CDC37: variants seen among roughly 807,000 people sequenced by gnomAD.
CDC37 encodes the protein cell division cycle 37, HSP90 cochaperone, also known as hsp90 co-chaperone Cdc37.
In CDC37, 9 loss-of-function variants were observed where a neutral mutation model predicts 46.9. That is an observed-to-expected ratio of 0.19 (90% CI 0.12 to 0.33). CDC37 has a LOEUF of 0.33. Ranked by LOEUF, CDC37 falls within the 10% of genes least tolerant of loss-of-function variation. The probability of loss-of-function intolerance (pLI) is 1.00; values close to 1 mark genes in which losing one functional copy is unlikely to be tolerated. For synonymous variants in CDC37, 193 were observed against 191.0 expected, an observed-to-expected ratio of 1.01 and a Z score of -0.09; for missense variants, 388 against 514.6, an observed-to-expected ratio of 0.75 and a Z score of 2.38.
Position 10,393,609 on chromosome 19 carries a change from T to G in CDC37, c.727-168A>C. 1 of 655,606 alleles carries G rather than the reference T, an allele frequency of 1.5e-6. No homozygotes were observed. Among genetic ancestry groups the G allele is most frequent in the Admixed American group, 3.4e-5 (1 of 29,720 alleles). 40.6% of individuals were successfully genotyped at this position (655,606 alleles called of 1,614,324 possible). On this transcript the variant is annotated intron_variant, in intron 5 of 7. Transcript: ENST00000222005. This position sits in a 1 kb window ranked among gnomAD's most constrained non-coding sequence, Gnocchi z 4.9. The stretch of plus-strand genomic sequence containing the variant: ...GGCCTGGGCTCCCCCGCCGGGGACC[T>G]CATCTGGCATTTGCCAAAGACCACC...
chr19:10,393,167 C>A lies in CDC37; in HGVS notation c.910-10G>T. On this transcript the variant is annotated splice_polypyrimidine_tract_variant and intron_variant, in intron 6 of 7. Transcript: ENST00000222005. The surrounding 1 kb of genome is among the most constrained non-coding windows in gnomAD (Gnocchi z 4.9). ...AGCACTTCTGGAGTTCCTGGGGGTA[C>A]AGAGGGGCTGGGGTCAGGGGCTGGG... The A allele has an allele frequency of 6.2e-7, 1 of 1,613,720 alleles. No individual in the cohort carries two copies. The highest frequency in any genetic ancestry group is 8.5e-7 in the Non-Finnish European group (1 of 1,179,778).
intron 2 of CDC37, 56 bp downstream of exon 2, chr19:10,395,872 G>C: frequency 2.5e-6 from 4 of 1,581,082 alleles, no homozygotes; most frequent in Non-Finnish European, 3.4e-6. Context: ...CATGCGTCCT[G>C]GTTGCAGGCT....
chr19:10,397,444 G>A (rs997176818), intron 1 of CDC37, among the ~76,000 whole-genome samples: 54 of 134,818 alleles, frequency 4.0e-4, no homozygotes, highest in African/African-American at 8.1e-4. Flanking sequence ...TTTTTGAGAC[G>A]GAGTCGCCCA....
rs1214997469 is a variant in CDC37, at chr19:10,399,462, T to TG, written c.103-3260dup. Among the ~76,000 whole-genome samples, 345 of 67,422 alleles carry TG rather than the reference T, an allele frequency of 5.1e-3. 4 individuals are homozygous for TG. The highest frequency in any genetic ancestry group is 0.038 in the Middle Eastern group (3 of 78). The allele number at this position is 67,422 out of a possible 152,430, so 44.2% of individuals were successfully genotyped here. On this transcript the variant is annotated intron_variant, in intron 1 of 7. Coordinates refer to ENST00000222005, the MANE Select transcript of CDC37 (RefSeq NM_007065.4). ...CTGGGCGACAGAGCATGACCCTGTCTGAAAAAAAAAAAAAAAAAAAAAAAA... is the reference window on the plus strand; with the variant it reads ...CTGGGCGACAGAGCATGACCCTGTCTGGAAAAAAAAAAAAAAAAAAAAAAAA...
intron 2 of CDC37, 24 bp downstream of exon 2, chr19:10,395,904 G>T: frequency 6.5e-7 from 1 of 1,541,886 alleles, no homozygotes; most frequent in Non-Finnish European, 8.9e-7. Context: ...CATGCGCACT[G>T]CCCGCCCCGC....
intron 7 of CDC37, among the ~76,000 whole-genome samples, chr19:10,392,028 C>T (rs755289668): frequency 1.2e-4 from 19 of 152,202 alleles, no homozygotes; most frequent in Non-Finnish European, 2.2e-4. Context: ...TCTTGAACTC[C>T]TGCCCTTAGG....
Position 10,391,350 on chromosome 19 carries a change from C to T in CDC37, c.*201G>A. ...GATGGGGGGCTGCAGGCAGTGAAGC[C>T]CCTTGACTCAAAGCAGAGACTTGAA... On this transcript the variant is annotated 3_prime_UTR_variant, in exon 8 of 8. Transcript: ENST00000222005. The T allele has an allele frequency of 1.6e-6, 1 of 634,660 alleles. No homozygotes were observed. Among genetic ancestry groups the T allele is most frequent in the Admixed American group, 2.9e-5 (1 of 34,950 alleles). The allele number at this position is 634,660 out of a possible 1,614,324, so 39.3% of individuals were successfully genotyped here. A position where few individuals can be genotyped will look rare whatever the true frequency, so the allele number is the denominator to read the frequency against.
At chr19:10,395,635 A>T (rs1195008424) in intron 2 of CDC37, 92 bp from the exon 3 acceptor site, 1 of 1,040,628 alleles carries the variant, frequency 9.6e-7, no homozygotes, top group South Asian at 1.3e-5. Flanking sequence ...CGCCCATCCC[A>T]TCCACGGCGG....
chr19:10,399,140 G>A (rs1490777172), intron 1 of CDC37, among the ~76,000 whole-genome samples: 2 of 152,146 alleles, frequency 1.3e-5, no homozygotes, highest in African/African-American at 2.4e-5. Flanking sequence ...CAGCCAGCCT[G>A]AGCCTCGGAT....
intron 1 of CDC37, among the ~76,000 whole-genome samples, chr19:10,397,553 G>A (rs2042498757): frequency 6.6e-6 from 1 of 151,590 alleles, no homozygotes; most frequent in African/African-American, 2.4e-5. Context: ...TGGGATTACA[G>A]GCACGCGCCA....
chr19:10,398,446 C>G lies in CDC37; in HGVS notation c.103-2243G>C, dbSNP rs759611198. On this transcript the variant is annotated intron_variant, in intron 1 of 7. Transcript: ENST00000222005. This position sits in a 1 kb window ranked among gnomAD's most constrained non-coding sequence, Gnocchi z 4.2. ...TGTGGTGAGGGTGCTGGAGGACAGC[C>G]TTGGGGCAACGGCCCCTGGGTCCTA... Among the ~76,000 whole-genome samples the G allele has an allele frequency of 2.0e-5, 3 of 152,248 alleles. No individual in the cohort carries two copies. Among genetic ancestry groups the G allele is most frequent in the Non-Finnish European group, 4.4e-5 (3 of 68,052 alleles).
Position 10,391,543 on chromosome 19 carries a change from G to C in CDC37, c.*8C>G. 6.2e-7 allele frequency: 1 copy of C among 1,614,150 alleles called. No individual in the cohort carries two copies. Among genetic ancestry groups the C allele is most frequent in the South Asian group, 1.1e-5 (1 of 91,082 alleles). ...CTGGAAGCAGGTGGCGGTGGTAGCT[G>C]GGGCAGGTCACACACTGACATCCTT... On this transcript the variant is annotated 3_prime_UTR_variant, in exon 8 of 8. Transcript: ENST00000222005.
rs2042493313 is a variant in CDC37, at chr19:10,396,496, ACT to A, written c.103-295_103-294del. ...ATCTGCCTCGGCACCTCCCCTGGTA[ACT>A]CTTCCTTCCAGCTACACCAGCCCCT... On this transcript the variant is annotated intron_variant, in intron 1 of 7. Transcript: ENST00000222005. This position sits in a 1 kb window ranked among gnomAD's most constrained non-coding sequence, Gnocchi z 5.9. Among the ~76,000 whole-genome samples, 1 of 151,494 alleles carries A rather than the reference ACT, an allele frequency of 6.6e-6. No individual in the cohort carries two copies. The highest frequency in any genetic ancestry group is 1.9e-4 in the East Asian group (1 of 5,140).
At position 10,391,255 on chromosome 19, in the gene CDC37, C is replaced by T. The variant is rs2042454554; in HGVS notation, c.*296G>A. On this transcript the variant is annotated 3_prime_UTR_variant, in exon 8 of 8. Coordinates refer to ENST00000222005, the MANE Select transcript of CDC37 (RefSeq NM_007065.4). Reference sequence around the variant, plus strand: ...CCGGCCCCTTGGCTGGGGACCCTCCCCAACTACCTGGTAGACCAGCCTGGT... The same window carrying T: ...CCGGCCCCTTGGCTGGGGACCCTCCTCAACTACCTGGTAGACCAGCCTGGT... The T allele has an allele frequency of 2.5e-5, 11 of 436,476 alleles. No homozygotes were observed. The South Asian group carries it at 2.8e-4, about 11-fold the overall frequency. The allele number at this position is 436,476 out of a possible 1,614,324, so 27.0% of individuals were successfully genotyped here. A position where few individuals can be genotyped will look rare whatever the true frequency, so the allele number is the denominator to read the frequency against.
chr19:10,391,783 C>A (rs1003137121), intron 7 of CDC37, 77 bp from the exon 8 acceptor site: 3 of 1,464,752 alleles, frequency 2.0e-6, no homozygotes, highest in Non-Finnish European at 2.8e-6. Flanking sequence ...CCTTGCACAT[C>A]CCCAAGCTGG....
rs934517268 is a variant in CDC37, at chr19:10,396,550, A to AT, written c.103-348dup. ...ACTTTTCTCACCTTTTCTTGAGGCCATTTTTTTTGTTTAAGAAAACAAAAC... is the reference window on the plus strand; with the variant it reads ...ACTTTTCTCACCTTTTCTTGAGGCCATTTTTTTTTGTTTAAGAAAACAAAAC... On this transcript the variant is annotated intron_variant, in intron 1 of 7. Transcript: ENST00000222005. This position sits in a 1 kb window ranked among gnomAD's most constrained non-coding sequence, Gnocchi z 5.9. Among the ~76,000 whole-genome samples, 13 of 151,800 alleles carry AT rather than the reference A, an allele frequency of 8.6e-5. No homozygotes were observed. The highest frequency in any genetic ancestry group is 7.4e-5 in the Non-Finnish European group (5 of 67,954).
At chr19:10,399,089 G>A (rs1423110963) in intron 1 of CDC37, among the ~76,000 whole-genome samples, 6 of 152,272 alleles carry the variant, frequency 3.9e-5, no homozygotes, top group Non-Finnish European at 7.4e-5. Flanking sequence ...GGCAGGGCCA[G>A]GCAGAGCTGG....
In CDC37 at chr19:10,393,077, G is replaced by T. The variant is rs552864786; in HGVS notation, c.981+9C>A. On this transcript the variant is annotated intron_variant, in intron 7 of 7. Coordinates refer to ENST00000222005, the MANE Select transcript of CDC37 (RefSeq NM_007065.4). The surrounding 1 kb of genome is among the most constrained non-coding windows in gnomAD (Gnocchi z 4.9). ...CGCCGGGAAGGCATGGGGCGCGGGG[G>T]TTACTCACGGTGGGGTCCATCTTGC... 6.2e-6 allele frequency: 10 copies of T among 1,612,866 alleles called. No individual in the cohort carries two copies. The African/African-American group carries it at 1.2e-4, about 19-fold the overall frequency.
intron 1 of CDC37, among the ~76,000 whole-genome samples, chr19:10,402,494 GGA>G (rs2042524834): frequency 6.6e-6 from 1 of 152,112 alleles, no homozygotes; most frequent in African/African-American, 2.4e-5. Context: ...TTGAGTTAGG[GGA>G]GAGTTTCCAA....
Sources: gnomAD v4.1 joint callset for allele counts (sites outside exome capture counted in the v4.1 genomes callset) on GRCh38, gnomAD v4.1.1 for gene constraint, Gnocchi (gnomAD v3.1) non-coding constraint, MANE v1.5 for transcripts, NCBI Gene and HGNC (gene_info 2026-07-23, HGNC 2026-07-21) for gene names.